QTMAN: variants seen among roughly 807,000 people sequenced by gnomAD.
The protein encoded by QTMAN is tRNA-queuosine alpha-mannosyltransferase.
At chr2:143,980,764 G>A in the QTMAN span, among the ~76,000 whole-genome samples, 792 of 152,276 alleles carry the variant, frequency 5.2e-3, 8 homozygotes, top group African/African-American at 0.018. Flanking sequence ...TAACATCGCT[G>A]AGCTTACGAC....
the QTMAN span, among the ~76,000 whole-genome samples, chr2:144,215,323 CAT>C: frequency 2.0e-5 from 3 of 150,604 alleles, no homozygotes; most frequent in African/African-American, 4.9e-5. Context: ...CACACACACA[CAT>C]ATATTAGTAA....
At chr2:144,142,907 A>G in the QTMAN span, among the ~76,000 whole-genome samples, 1 of 152,020 alleles carries the variant, frequency 6.6e-6, no homozygotes, top group African/African-American at 2.4e-5. Context: ...AATGTAATAT[A>G]TATTCAATTG....
the QTMAN span, among the ~76,000 whole-genome samples, chr2:143,987,228 C>G: frequency 1.3e-5 from 2 of 152,136 alleles, no homozygotes; most frequent in Non-Finnish European, 2.9e-5. Flanking sequence ...TCACTGCAGC[C>G]CAAGTGTAGC....
the QTMAN span, among the ~76,000 whole-genome samples, chr2:144,144,056 T>TTC: frequency 6.6e-6 from 1 of 151,950 alleles, no homozygotes; most frequent in African/African-American, 2.4e-5. Context: ...TGAAGTACAC[T>TTC]TCTCTCTCTC....
chr2:144,108,211 C>G, the QTMAN span, among the ~76,000 whole-genome samples: 1 of 152,210 alleles, frequency 6.6e-6, no homozygotes, highest in Non-Finnish European at 1.5e-5. Context: ...GGGATACCCT[C>G]TCTCACCACT....
the QTMAN span, among the ~76,000 whole-genome samples, chr2:144,162,385 A>G: frequency 6.6e-6 from 1 of 152,196 alleles, no homozygotes; most frequent in African/African-American, 2.4e-5. Context: ...AATAAAGCAG[A>G]AGAGTAAAGA....
At chr2:144,255,073 T>C in the QTMAN span, among the ~76,000 whole-genome samples, 124 of 152,290 alleles carry the variant, frequency 8.1e-4, no homozygotes, top group African/African-American at 2.8e-3. Flanking sequence ...AGATGAGACT[T>C]TGGACTTGGA....
chr2:144,153,279 T>G, the QTMAN span, among the ~76,000 whole-genome samples: 1 of 152,194 alleles, frequency 6.6e-6, no homozygotes, highest in Non-Finnish European at 1.5e-5. Context: ...AACTCAGTTT[T>G]TAATGCTTAT....
the QTMAN span, among the ~76,000 whole-genome samples, chr2:144,127,674 A>G: frequency 6.6e-6 from 1 of 151,984 alleles, no homozygotes; most frequent in African/African-American, 2.4e-5. Flanking sequence ...TGGGAAGGGC[A>G]GAGAGATGTG....
the QTMAN span, among the ~76,000 whole-genome samples, chr2:144,028,756 A>G: frequency 6.6e-6 from 1 of 152,250 alleles, no homozygotes; most frequent in African/African-American, 2.4e-5. Flanking sequence ...CCTGTCTGCT[A>G]GGATAAATGA....
the QTMAN span, among the ~76,000 whole-genome samples, chr2:144,285,561 A>C: frequency 2.0e-5 from 3 of 152,192 alleles, no homozygotes; most frequent in Non-Finnish European, 4.4e-5. Context: ...TGATGATTCA[A>C]CTGTAATACA....
At chr2:144,185,126 C>T in the QTMAN span, among the ~76,000 whole-genome samples, 2 of 152,152 alleles carry the variant, frequency 1.3e-5, no homozygotes, top group African/African-American at 4.8e-5. Flanking sequence ...TCACATTGTG[C>T]CAGCCACTAT....
the QTMAN span, among the ~76,000 whole-genome samples, chr2:143,986,157 T>C: frequency 4.6e-5 from 7 of 152,286 alleles, no homozygotes; most frequent in African/African-American, 7.2e-5. Context: ...TTCAAAACAA[T>C]CTCTAACAAA....
chr2:144,168,928 TTTA>T, the QTMAN span, among the ~76,000 whole-genome samples: 2,155 of 152,168 alleles, frequency 0.014, 50 homozygotes, highest in African/African-American at 0.049. Flanking sequence ...CTAACATTAT[TTTA>T]TTATCGTTCT....
chr2:144,190,587 C>CA, the QTMAN span, among the ~76,000 whole-genome samples: 5 of 151,892 alleles, frequency 3.3e-5, no homozygotes, highest in Non-Finnish European at 7.4e-5. Flanking sequence ...CAAACAACAA[C>CA]AAAAAAGGGG....
chr2:144,045,654 C>T, the QTMAN span, among the ~76,000 whole-genome samples: 13 of 152,150 alleles, frequency 8.5e-5, no homozygotes, highest in South Asian at 1.2e-3. Flanking sequence ...CCTGGCTGAC[C>T]GAGTAGTGTG....
At chr2:144,199,589 G>A in the QTMAN span, among the ~76,000 whole-genome samples, 7 of 152,136 alleles carry the variant, frequency 4.6e-5, no homozygotes, top group African/African-American at 1.4e-4. Context: ...TGACTCTGAA[G>A]ATAGAAGCAC....
chr2:144,082,597 T>TA, the QTMAN span, among the ~76,000 whole-genome samples: 72 of 149,326 alleles, frequency 4.8e-4, 1 homozygote, highest in South Asian at 3.0e-3. Context: ...CCCATATAGT[T>TA]AAAAAAAAAA....
the QTMAN span, among the ~76,000 whole-genome samples, chr2:144,107,034 A>C: frequency 6.6e-6 from 1 of 152,244 alleles, no homozygotes. Context: ...TGAAGGCAGA[A>C]ATAAAGATGT....
Sources: gnomAD v4.1 joint callset for allele counts (sites outside exome capture counted in the v4.1 genomes callset) on GRCh38, gnomAD v4.1.1 for gene constraint, MANE v1.5 for transcripts, NCBI Gene and HGNC (gene_info 2026-07-23, HGNC 2026-07-21) for gene names.